The following PTPRT variants were observed in gnomAD, a reference collection of about 807,000 sequenced individuals.
The protein encoded by PTPRT is protein tyrosine phosphatase receptor type T, also known as receptor-type tyrosine-protein phosphatase T.
A neutral mutation model predicts 176.8 loss-of-function variants in PTPRT; 56 were observed. The ratio of observed to expected loss-of-function variants is 0.32; its 90% CI spans 0.26 to 0.40. The LOEUF is 0.40. PTPRT is among the 10% of genes least tolerant of loss of function. The probability of loss-of-function intolerance (pLI) is 1.00; values close to 1 mark genes in which losing one functional copy is unlikely to be tolerated. For missense variants in PTPRT, 1,540 were observed against 1,908.2 expected (o/e 0.81, Z 3.60); for synonymous variants, 783 against 739.0 (o/e 1.06, Z -0.96).
intron 2 of PTPRT, among the ~76,000 whole-genome samples, chr20:42,812,237 G>A (rs2077708546): frequency 6.6e-6 from 1 of 151,998 alleles, no homozygotes. Context: ...ACTACAATAT[G>A]TAACATAAAA....
chr20:42,719,187 C>T (rs1255320878), intron 6 of PTPRT, among the ~76,000 whole-genome samples: 1 of 152,156 alleles, frequency 6.6e-6, no homozygotes, highest in East Asian at 1.9e-4. Flanking sequence ...GCTAGTTAAT[C>T]GTAAGTTCAG....
At chr20:42,505,270 C>A (rs1364343845) in intron 7 of PTPRT, among the ~76,000 whole-genome samples, 1 of 151,956 alleles carries the variant, frequency 6.6e-6, no homozygotes, top group Non-Finnish European at 1.5e-5. Context: ...CCCTCTGGAC[C>A]AGAATAAGTT....
intron 19 of PTPRT, among the ~76,000 whole-genome samples, chr20:42,126,899 C>A (rs1249953070): frequency 6.6e-6 from 1 of 152,212 alleles, no homozygotes; most frequent in Non-Finnish European, 1.5e-5. Flanking sequence ...CTCCTGTGAA[C>A]TTTTCTGGAA....
At chr20:43,125,204 T>C (rs1043718955) in intron 1 of PTPRT, among the ~76,000 whole-genome samples, 2 of 151,694 alleles carry the variant, frequency 1.3e-5, no homozygotes, top group African/African-American at 4.8e-5. Flanking sequence ...TTCATCATGT[T>C]GGTCAGGCTG....
At chr20:42,802,071 G>A (rs1450137696) in intron 2 of PTPRT, among the ~76,000 whole-genome samples, 2 of 152,172 alleles carry the variant, frequency 1.3e-5, no homozygotes, top group East Asian at 1.9e-4. Context: ...TTCCCAAATC[G>A]CAGTGTGCAT....
intron 9 of PTPRT, among the ~76,000 whole-genome samples, chr20:42,383,343 T>G (rs1440332107): frequency 6.6e-6 from 1 of 151,924 alleles, no homozygotes; most frequent in Non-Finnish European, 1.5e-5. Flanking sequence ...ATGGCTTATG[T>G]GACTGTGAGT....
At chr20:42,347,006 A>T (rs1164975808) in intron 11 of PTPRT, among the ~76,000 whole-genome samples, 1 of 152,128 alleles carries the variant, frequency 6.6e-6, no homozygotes, top group African/African-American at 2.4e-5. Flanking sequence ...GTGACATACC[A>T]GGCAGAGGAA....
intron 10 of PTPRT, among the ~76,000 whole-genome samples, chr20:42,351,170 C>T (rs1052493157): frequency 2.6e-5 from 4 of 151,282 alleles, no homozygotes; most frequent in African/African-American, 4.9e-5. Flanking sequence ...GATAGGAATG[C>T]GACTATATCT....
At chr20:42,314,526 C>CAA (rs386393782) in intron 12 of PTPRT, among the ~76,000 whole-genome samples, 4,905 of 102,218 alleles carry the variant, frequency 0.048, 188 homozygotes, top group Middle Eastern at 0.073. Context: ...GAGACTGTGT[C>CAA]AAAAAAAAAA....
chr20:42,211,908 C>A (rs1238687195), intron 15 of PTPRT, among the ~76,000 whole-genome samples: 6 of 151,178 alleles, frequency 4.0e-5, no homozygotes, highest in Non-Finnish European at 1.5e-5. Flanking sequence ...AAATGTCCAA[C>A]AATGATAGAC....
chr20:42,979,824 T>C (rs1383391653), intron 1 of PTPRT, among the ~76,000 whole-genome samples: 1 of 152,036 alleles, frequency 6.6e-6, no homozygotes, highest in African/African-American at 2.4e-5. Context: ...AGGTAGGTTT[T>C]GTCCCAAAAT....
intron 7 of PTPRT, among the ~76,000 whole-genome samples, chr20:42,589,208 A>G (rs544609966): frequency 1.3e-5 from 2 of 152,280 alleles, no homozygotes; most frequent in South Asian, 4.1e-4. Context: ...ACTGGTTGGC[A>G]CTCAACAGGG....
At chr20:42,199,090 G>T in intron 16 of PTPRT, 150 bp downstream of exon 16, 1 of 886,704 alleles carries the variant, frequency 1.1e-6, no homozygotes, top group Non-Finnish European at 1.6e-6. Flanking sequence ...CCAAGTCTTT[G>T]TCAGGGAGAA....
At chr20:42,568,130 G>A (rs1344138714) in intron 7 of PTPRT, among the ~76,000 whole-genome samples, 5 of 151,864 alleles carry the variant, frequency 3.3e-5, no homozygotes, top group African/African-American at 9.7e-5. Context: ...CACCATGCCC[G>A]GCTAATTTTT....
chr20:42,254,985 T>C (rs985414842), intron 13 of PTPRT, among the ~76,000 whole-genome samples: 2 of 152,114 alleles, frequency 1.3e-5, no homozygotes, highest in South Asian at 2.1e-4. Flanking sequence ...GAGACTCCCA[T>C]GCAGTCCATT....
chr20:43,160,189 C>A (rs2014653558), intron 1 of PTPRT, among the ~76,000 whole-genome samples: 1 of 152,022 alleles, frequency 6.6e-6, no homozygotes. Context: ...GCCAGGAAAC[C>A]CCCACAACGG....
chr20:42,386,756 G>T (rs567024694), intron 9 of PTPRT, among the ~76,000 whole-genome samples: 1 of 152,286 alleles, frequency 6.6e-6, no homozygotes, highest in East Asian at 1.9e-4. Flanking sequence ...AGCTATTTGG[G>T]AGGCTGAGGC....
chr20:42,474,249 G>T (rs1479170782), intron 7 of PTPRT, among the ~76,000 whole-genome samples: 1 of 152,108 alleles, frequency 6.6e-6, no homozygotes, highest in Non-Finnish European at 1.5e-5. Context: ...AATCCCCTCA[G>T]AGCATTTAAG....
At chr20:42,223,764 TA>T (rs1349116370) in intron 15 of PTPRT, among the ~76,000 whole-genome samples, 1 of 152,298 alleles carries the variant, frequency 6.6e-6, no homozygotes, top group East Asian at 1.9e-4. Flanking sequence ...TCTCATCTGG[TA>T]GATTCCCAAA....
Sources: gnomAD v4.1 joint callset for allele counts (sites outside exome capture counted in the v4.1 genomes callset) on GRCh38, gnomAD v4.1.1 for gene constraint, MANE v1.5 for transcripts, NCBI Gene and HGNC (gene_info 2026-07-23, HGNC 2026-07-21) for gene names.